KCNMA1: variants seen among roughly 807,000 people sequenced by gnomAD.
KCNMA1 encodes the protein Calcium-activated potassium channel subunit alpha-1.
KCNMA1 carries 29 observed loss-of-function variants against 140.0 expected under a neutral mutation model. The ratio of observed to expected loss-of-function variants is 0.21; its 90% CI spans 0.15 to 0.28. KCNMA1 has a LOEUF of 0.28. Among genes scored for constraint, KCNMA1 ranks in the 10% least tolerant of loss-of-function variants. KCNMA1 has a pLI of 1.00. For missense variants in KCNMA1, 880 were observed against 1,602.2 expected, an observed-to-expected ratio of 0.55 and a Z score of 7.70; for synonymous variants, 612 against 611.9, an observed-to-expected ratio of 1.00 and a Z score of 0.00.
chr10:77,393,732 G>C (rs2095927604), intron 2 of KCNMA1, among the ~76,000 whole-genome samples: 1 of 152,236 alleles, frequency 6.6e-6, no homozygotes, highest in African/African-American at 2.4e-5. Context: ...CATCCTCCTT[G>C]TTTGTTCCAA....
intron 1 of KCNMA1, among the ~76,000 whole-genome samples, chr10:77,453,148 A>T (rs921485717): frequency 2.6e-5 from 4 of 152,040 alleles, no homozygotes; most frequent in Admixed American, 1.3e-4. Context: ...TTCCAGCCTG[A>T]CCTGTTTGCA....
chr10:77,008,238 C>A, intron 18 of KCNMA1: 1 of 1,516,012 alleles, frequency 6.6e-7, no homozygotes, highest in South Asian at 1.2e-5. Context: ...TATTCCAAGG[C>A]AGCAAAGAGA....
intron 1 of KCNMA1, among the ~76,000 whole-genome samples, chr10:77,438,211 G>A (rs931662875): frequency 2.6e-5 from 4 of 151,996 alleles, no homozygotes; most frequent in African/African-American, 9.7e-5. Flanking sequence ...AGCATGGGCC[G>A]CCACACCAGA....
At chr10:77,032,846 G>C (rs2094037317) in intron 15 of KCNMA1, among the ~76,000 whole-genome samples, 1 of 152,048 alleles carries the variant, frequency 6.6e-6, no homozygotes, top group Admixed American at 6.6e-5. Flanking sequence ...CTACCCAGAG[G>C]GAAATACATT....
chr10:77,125,172 G>A (rs2097705951), intron 5 of KCNMA1, among the ~76,000 whole-genome samples: 4 of 152,162 alleles, frequency 2.6e-5, no homozygotes. Flanking sequence ...TAGGGACACA[G>A]CCAAACCATA....
intron 6 of KCNMA1, among the ~76,000 whole-genome samples, chr10:77,119,128 C>A (rs909676207): frequency 2.0e-5 from 3 of 152,228 alleles, no homozygotes; most frequent in Non-Finnish European, 4.4e-5. Context: ...CCCCGCTCTG[C>A]ACTGAGAGAG....
At chr10:77,317,414 G>A (rs918128130) in intron 2 of KCNMA1, among the ~76,000 whole-genome samples, 1 of 152,172 alleles carries the variant, frequency 6.6e-6, no homozygotes, top group East Asian at 1.9e-4. Flanking sequence ...GGAAGATAAG[G>A]GAATTCATTG....
intron 3 of KCNMA1, among the ~76,000 whole-genome samples, chr10:77,239,005 C>T (rs1014126328): frequency 6.6e-6 from 1 of 152,220 alleles, no homozygotes; most frequent in African/African-American, 2.4e-5. Context: ...CATGCATGCA[C>T]ACAGACACAG....
chr10:77,139,774 T>C (rs16934296), intron 5 of KCNMA1, among the ~76,000 whole-genome samples: 3,541 of 152,170 alleles, frequency 0.023, 143 homozygotes, highest in African/African-American at 0.081. Context: ...AAAATCTGCC[T>C]AGAAAACTAT....
intron 25 of KCNMA1, among the ~76,000 whole-genome samples, chr10:76,899,024 G>C (rs1329837525): frequency 6.6e-6 from 1 of 151,924 alleles, no homozygotes; most frequent in Non-Finnish European, 1.5e-5. Flanking sequence ...AGATACATAG[G>C]AGAATTAACA....
chr10:77,436,768 G>A (rs765296459), intron 1 of KCNMA1, among the ~76,000 whole-genome samples: 1 of 152,140 alleles, frequency 6.6e-6, no homozygotes, highest in South Asian at 2.1e-4. Context: ...CTGGCACACA[G>A]TGCAATAACT....
chr10:77,623,698 G>A (rs1255093179), intron 1 of KCNMA1, among the ~76,000 whole-genome samples: 8 of 149,238 alleles, frequency 5.4e-5, no homozygotes, highest in Admixed American at 2.7e-4. Context: ...CCAAGACTCC[G>A]TCTCAAAAAA....
chr10:77,100,508 A>G (rs1460772176), intron 9 of KCNMA1, among the ~76,000 whole-genome samples: 2 of 152,212 alleles, frequency 1.3e-5, no homozygotes, highest in African/African-American at 4.8e-5. Flanking sequence ...TTGGGACAAG[A>G]GAATCAGATT....
chr10:77,473,950 C>A (rs577865985), intron 1 of KCNMA1, among the ~76,000 whole-genome samples: 2 of 152,282 alleles, frequency 1.3e-5, no homozygotes, highest in South Asian at 4.1e-4. Flanking sequence ...AGCCTCGCTG[C>A]GTTCTGAACA....
At chr10:77,080,515 G>A (rs1344951063) in intron 12 of KCNMA1, among the ~76,000 whole-genome samples, 1 of 152,106 alleles carries the variant, frequency 6.6e-6, no homozygotes, top group African/African-American at 2.4e-5. Flanking sequence ...CACTGGGCCA[G>A]GTTAAACAGT....
intron 2 of KCNMA1, among the ~76,000 whole-genome samples, chr10:77,360,752 T>C (rs1172815237): frequency 1.3e-5 from 2 of 152,210 alleles, no homozygotes; most frequent in African/African-American, 4.8e-5. Flanking sequence ...TCTCCTTTCC[T>C]ACCTGGCCCT....
Position 77,591,241 on chromosome 10 carries a change from G to A in KCNMA1, c.378+46024C>T, listed in dbSNP as rs2154564812. ...GAGGATTGGACAAGGCCACGAGTGAGGCCAGGTGCCAGCAGGGCAAAGGCA... is the reference window on the plus strand; with the variant it reads ...GAGGATTGGACAAGGCCACGAGTGAAGCCAGGTGCCAGCAGGGCAAAGGCA... On this transcript the variant is annotated intron_variant, in intron 1 of 27. Coordinates refer to ENST00000286628, the MANE Select transcript of KCNMA1 (RefSeq NM_001161352.2). Among the ~76,000 whole-genome samples the A allele has an allele frequency of 1.3e-5, 2 of 152,228 alleles. 1 individual carries two copies. The highest frequency in any genetic ancestry group is 4.2e-4 in the South Asian group (2 of 4,814).
chr10:77,540,347 T>G (rs2059899908), intron 1 of KCNMA1, among the ~76,000 whole-genome samples: 1 of 152,244 alleles, frequency 6.6e-6, no homozygotes, highest in African/African-American at 2.4e-5. Context: ...GGCTAAGCAC[T>G]CTGCAGAACT....
chr10:77,144,843 C>A (rs2098257737), intron 5 of KCNMA1, among the ~76,000 whole-genome samples: 1 of 152,184 alleles, frequency 6.6e-6, no homozygotes, highest in Non-Finnish European at 1.5e-5. Context: ...GCTCTGCCAC[C>A]AGCAGCTGCA....
Sources: allele counts gnomAD v4.1 joint callset (sites outside exome capture counted in the v4.1 genomes callset), GRCh38; gene constraint gnomAD v4.1.1; transcripts MANE v1.5; gene names NCBI Gene and HGNC (gene_info 2026-07-23, HGNC 2026-07-21).